The following ATG7 variants were observed in gnomAD, a reference collection of about 807,000 sequenced individuals.
ATG7 encodes the protein ubiquitin-like modifier-activating enzyme ATG7.
Under a neutral mutation model 82.4 loss-of-function variants are expected in ATG7, and 70 were observed. The observed-to-expected ratio is 0.85, with a 90% CI of 0.70 to 1.04. The LOEUF is 1.04. Among genes scored for constraint, ATG7 ranks in the 50% least tolerant of loss-of-function variants. The pLI is 0.00. For missense variants in ATG7, 792 were observed against 864.3 expected (o/e 0.92, Z 1.05); for synonymous variants, 287 against 313.0 (o/e 0.92, Z 0.88).
intron 6 of ATG7, among the ~76,000 whole-genome samples, chr3:11,308,108 TG>T (rs1225657485): frequency 1.3e-5 from 2 of 152,100 alleles, no homozygotes; most frequent in African/African-American, 2.4e-5. Flanking sequence ...TACCGGAAAC[TG>T]GGGGCCTCTC....
rs144068600 is a variant in ATG7, at chr3:11,492,574, C to T, written c.2080-62237C>T. 1.7e-3 allele frequency among the ~76,000 whole-genome samples: 260 copies of T among 152,322 alleles called. 1 individual carries two copies. Among genetic ancestry groups the T allele is most frequent in the African/African-American group, 5.3e-3 (219 of 41,570 alleles). On this transcript the variant is annotated intron_variant, in intron 20 of 20. Transcript: ENST00000693202. Reference sequence around the variant, plus strand: ...ACTCAGTCCGTTGTGCTCAACTCCTCGCGGGAGGGAGCACGTGAATGAATA... The same window carrying T: ...ACTCAGTCCGTTGTGCTCAACTCCTTGCGGGAGGGAGCACGTGAATGAATA...
Position 11,344,882 on chromosome 3 carries a change from A to G in ATG7, c.1125+2603A>G, listed in dbSNP as rs910242570. Among the ~76,000 whole-genome samples, 4 of 152,152 alleles carry G rather than the reference A, an allele frequency of 2.6e-5. No individual in the cohort carries two copies. The East Asian group carries it at 7.7e-4, about 29-fold the overall frequency. On this transcript the variant is annotated intron_variant, in intron 13 of 20. Coordinates refer to ENST00000693202, the MANE Select transcript of ATG7 (RefSeq NM_001349232.2). ...AGACACTGTCTCAATCAACCGATCA[A>G]TTAACCAATAAATTTTACATCTCAC... is the stretch of plus-strand genomic sequence containing the variant.
chr3:11,530,997 A>G (rs1278134873), intron 20 of ATG7, among the ~76,000 whole-genome samples: 1 of 152,112 alleles, frequency 6.6e-6, no homozygotes, highest in African/African-American at 2.4e-5. Context: ...TAATAATAAT[A>G]AAATGAAGAC....
In ATG7 at chr3:11,309,451, A is replaced by ATT. The variant is rs3836459; in HGVS notation, c.411+401_411+402dup. Among the ~76,000 whole-genome samples the ATT allele has an allele frequency of 4.7e-3, 692 of 147,414 alleles. 3 individuals carry two copies. The highest frequency in any genetic ancestry group is 7.3e-3 in the Non-Finnish European group (488 of 67,142). On this transcript the variant is annotated intron_variant, in intron 7 of 20. Coordinates refer to ENST00000693202, the MANE Select transcript of ATG7 (RefSeq NM_001349232.2). ...AGCTTGACCACAAAATCGCTTGTTGATTTTTTTTTTTTGTTTTTTTAAAGA... is the reference window on the plus strand; with the variant it reads ...AGCTTGACCACAAAATCGCTTGTTGATTTTTTTTTTTTTTGTTTTTTTAAAGA...
intron 19 of ATG7, among the ~76,000 whole-genome samples, chr3:11,406,967 T>G (rs1368327634): frequency 6.6e-6 from 1 of 152,178 alleles, no homozygotes; most frequent in Admixed American, 6.5e-5. Context: ...TATCTTCACA[T>G]TTCAAAACCA....
At position 11,555,226 on chromosome 3, in the gene ATG7, G is replaced by T. The variant is rs557823495; in HGVS notation, c.*383G>T. The stretch of plus-strand genomic sequence containing the variant: ...ACCAGCTCCTGCCCAGAGCCACTGC[G>T]GGAGGTGGCACCCTCATCCCCGGAA... On this transcript the variant is annotated 3_prime_UTR_variant, in exon 21 of 21. Coordinates refer to ENST00000693202, the MANE Select transcript of ATG7 (RefSeq NM_001349232.2). 1 of 208,224 alleles carries T rather than the reference G, an allele frequency of 4.8e-6. No homozygotes were observed. The highest frequency in any genetic ancestry group is 2.3e-5 in the African/African-American group (1 of 43,352). The allele number at this position is 208,224 out of a possible 1,614,324, so 12.9% of individuals were successfully genotyped here.
chr3:11,521,962 C>T (rs564794826), intron 20 of ATG7, among the ~76,000 whole-genome samples: 3 of 152,170 alleles, frequency 2.0e-5, no homozygotes, highest in Non-Finnish European at 2.9e-5. Flanking sequence ...TGGCACTCAA[C>T]TCTTTATGCC....
At chr3:11,463,029 G>T (rs1313299950) in intron 20 of ATG7, among the ~76,000 whole-genome samples, 1 of 152,068 alleles carries the variant, frequency 6.6e-6, no homozygotes, top group Admixed American at 6.6e-5. Flanking sequence ...GGGATGACAG[G>T]CATGTGCAAT....
intron 20 of ATG7, among the ~76,000 whole-genome samples, chr3:11,545,106 C>G (rs1295470825): frequency 1.3e-5 from 2 of 152,108 alleles, no homozygotes; most frequent in Non-Finnish European, 2.9e-5. Context: ...AAGGGGAGAG[C>G]CAGGAGGCTG....
intron 20 of ATG7, chr3:11,447,058 A>G (rs937790833): frequency 2.0e-5 from 3 of 152,264 alleles, no homozygotes; most frequent in Non-Finnish European, 2.9e-5. Flanking sequence ...ATTTACTTGC[A>G]TTTACTCACT....
At chr3:11,503,001 G>C (rs1328720476) in intron 20 of ATG7, among the ~76,000 whole-genome samples, 2 of 152,078 alleles carry the variant, frequency 1.3e-5, no homozygotes, top group African/African-American at 4.8e-5. Context: ...TGAAAATATG[G>C]GATTAAATGA....
chr3:11,481,143 C>A (rs1385566342), intron 20 of ATG7, among the ~76,000 whole-genome samples: 2 of 152,228 alleles, frequency 1.3e-5, no homozygotes, highest in African/African-American at 4.8e-5. Context: ...GTGCAGAGCA[C>A]TGTGTAAGCA....
At chr3:11,421,759 A>G (rs75438291) in intron 19 of ATG7, among the ~76,000 whole-genome samples, 9,622 of 152,250 alleles carry the variant, frequency 0.063, 332 homozygotes, top group African/African-American at 0.082. Flanking sequence ...TATGGCAGCT[A>G]TTGCCTTATT....
At chr3:11,436,062 C>A (rs1387059165) in intron 20 of ATG7, among the ~76,000 whole-genome samples, 1 of 151,992 alleles carries the variant, frequency 6.6e-6, no homozygotes, top group Non-Finnish European at 1.5e-5. Flanking sequence ...CAGTGAGAAC[C>A]CATCTCTAAA....
At chr3:11,305,365 A>G (rs941257576) in intron 5 of ATG7, among the ~76,000 whole-genome samples, 2 of 152,182 alleles carry the variant, frequency 1.3e-5, no homozygotes, top group African/African-American at 2.4e-5. Flanking sequence ...TCCTTTCACA[A>G]AATGAGGCTT....
At chr3:11,465,368 C>T (rs1237867019) in intron 20 of ATG7, among the ~76,000 whole-genome samples, 2 of 151,400 alleles carry the variant, frequency 1.3e-5, no homozygotes, top group Admixed American at 6.6e-5. Context: ...TGGCGTGAAT[C>T]CAGGAGGCAA....
chr3:11,475,030 CTTTTT>C (rs541118972), intron 20 of ATG7, among the ~76,000 whole-genome samples: 1 of 144,412 alleles, frequency 6.9e-6, no homozygotes, highest in Non-Finnish European at 1.5e-5. Flanking sequence ...AGTGACTTAA[CTTTTT>C]TTTTTTTTTA....
rs1352709996 is a variant in ATG7 at position 11,313,212 on chromosome 3, C to G, written c.412-92C>G. ...GACTTTGTTTGCATAGCTTTGCTAT[C>G]TTAATTGGCCTTGAGAAGCTACATT... On this transcript the variant is annotated intron_variant, in intron 7 of 20. Transcript: ENST00000693202. 3 of 737,652 alleles carry G rather than the reference C, an allele frequency of 4.1e-6. No homozygotes were observed. In the African/African-American group the frequency reaches 5.4e-5, roughly 13 times the overall value. The allele number at this position is 737,652 out of a possible 1,614,324, so 45.7% of individuals were successfully genotyped here.
At chr3:11,394,081 G>A (rs1346817946) in intron 19 of ATG7, among the ~76,000 whole-genome samples, 1 of 152,118 alleles carries the variant, frequency 6.6e-6, no homozygotes, top group East Asian at 1.9e-4. Context: ...ACAAATCGTT[G>A]TCCAGGGTCA....
Sources: allele counts gnomAD v4.1 joint callset (sites outside exome capture counted in the v4.1 genomes callset), GRCh38; gene constraint gnomAD v4.1.1; transcripts MANE v1.5; gene names NCBI Gene and HGNC (gene_info 2026-07-23, HGNC 2026-07-21).